Variants in TRIM66 observed in about 807,000 individuals in gnomAD.
TRIM66 encodes tripartite motif containing 66, also known as tripartite motif-containing protein 66.
In TRIM66, 99 loss-of-function variants were observed where a neutral mutation model predicts 148.2. That is an observed-to-expected ratio of 0.67 (90% CI 0.57 to 0.79). The LOEUF is 0.79. Ranked by LOEUF, TRIM66 falls within the 30% of genes least tolerant of loss-of-function variation. TRIM66 has a pLI of 0.00. For synonymous variants in TRIM66, 616 were observed against 635.9 expected, an observed-to-expected ratio of 0.97 and a Z score of 0.47; for missense variants, 1,666 against 1,697.9, an observed-to-expected ratio of 0.98 and a Z score of 0.33.
At position 8,651,862 on chromosome 11, in the gene TRIM66, TG is replaced by T; in HGVS notation, c.381del (p.Arg128GlyfsTer3). 1 of 1,551,712 alleles carries T rather than the reference TG, an allele frequency of 6.4e-7. No individual in the cohort carries two copies. The highest frequency in any genetic ancestry group is 8.7e-7 in the Non-Finnish European group (1 of 1,146,988). On this transcript the variant is annotated frameshift_variant, in exon 7 of 25. Coordinates refer to ENST00000646038, the MANE Select transcript of TRIM66 (RefSeq NM_001388022.1). LOFTEE classifies it high-confidence loss of function. ...AGAAAAAAATGTTCAGTTACATCCC[TG>T]GTAAGATATACTCGTTCACACCCAG... ...SCPGCERVYL[T>X]RDVTEHFFLH... is the part of the protein sequence containing the mutation.
At chr11:8,663,227 G>A (rs1417245184) in intron 6 of TRIM66, 1 of 152,208 alleles carries the variant, frequency 6.6e-6, no homozygotes, top group South Asian at 2.1e-4. Context: ...AGTTGCTGGG[G>A]AGAATCTCAG....
At chr11:8,647,895 A>G in intron 10 of TRIM66, 75 bp downstream of exon 10, 1 of 1,153,810 alleles carries the variant, frequency 8.7e-7, no homozygotes, top group Non-Finnish European at 1.3e-6. Context: ...ACTACATCTG[A>G]CGGCCTGGTG....
Position 8,640,958 on chromosome 11 carries a change from C to T in TRIM66, c.1417G>A (p.Val473Ile). ...SSVCCSHCSP[V>I]SPSLKGQVPP... ...ACCTGGCCTTTGAGGGAAGGCGAGA[C>T]TGGGGAGCAGTGGGAGCAGCACACA... is the stretch of plus-strand genomic sequence containing the variant. Residue 473 changes from valine (V) to isoleucine (I), a missense_variant, in exon 14 of 25, where the codon GTC becomes ATC. Physicochemically the swap from Val to Ile is conservative, Grantham distance 29. Transcript: ENST00000646038. 6.4e-7 allele frequency: 1 copy of T among 1,551,240 alleles called. No homozygotes were observed. The highest frequency in any genetic ancestry group is 8.7e-7 in the Non-Finnish European group (1 of 1,146,940).
At chr11:8,660,551 T>C (rs887631352) in intron 6 of TRIM66, among the ~76,000 whole-genome samples, 13 of 152,370 alleles carry the variant, frequency 8.5e-5, no homozygotes, top group Admixed American at 1.3e-4. Flanking sequence ...TCTGCTTTTC[T>C]GCTACAATGG....
chr11:8,638,168 T>G (rs2036053370), intron 15 of TRIM66, among the ~76,000 whole-genome samples: 1 of 152,178 alleles, frequency 6.6e-6, no homozygotes, highest in Non-Finnish European at 1.5e-5. Context: ...CAAAAAATAT[T>G]TTCCCCATCT....
intron 15 of TRIM66, among the ~76,000 whole-genome samples, chr11:8,636,344 C>T (rs909702741): frequency 6.6e-6 from 1 of 152,112 alleles, no homozygotes; most frequent in African/African-American, 2.4e-5. Context: ...ATGGTCTTCA[C>T]TTGTGCAGCA....
intron 13 of TRIM66, among the ~76,000 whole-genome samples, chr11:8,642,071 G>A (rs1157768214): frequency 1.3e-5 from 2 of 152,140 alleles, no homozygotes; most frequent in Non-Finnish European, 2.9e-5. Context: ...CACCAGGTCA[G>A]TGCCAGGCAC....
At chr11:8,625,301 C>T (rs1179169978) in intron 15 of TRIM66, 73 bp from the exon 16 acceptor site, 42 of 1,428,982 alleles carry the variant, frequency 2.9e-5, no homozygotes, top group Non-Finnish European at 3.7e-5. Flanking sequence ...AGGGACCCAA[C>T]CCACAGGAAC....
Position 8,640,923 on chromosome 11 carries a change from G to A in TRIM66, c.1452C>T (p.Pro484=). Residue 484 remains proline (P), a synonymous_variant, in exon 14 of 25, where the codon CCC becomes CCT. Transcript: ENST00000646038. ...TGAAGCTGTGGGCTGGGTGTATGCTGGGTGGGGGGACCTGGCCTTTGAGGG... is the reference window on the plus strand; with the variant it reads ...TGAAGCTGTGGGCTGGGTGTATGCTAGGTGGGGGGACCTGGCCTTTGAGGG... ...SPSLKGQVPP[P]SIHPAHSFRQ... is the part of the protein sequence containing the mutation. 6.4e-7 allele frequency: 1 copy of A among 1,550,930 alleles called. No homozygotes were observed. Among genetic ancestry groups the A allele is most frequent in the Non-Finnish European group, 8.7e-7 (1 of 1,146,954 alleles).
chr11:8,631,372 T>C (rs1214020633), intron 15 of TRIM66, among the ~76,000 whole-genome samples: 3 of 152,232 alleles, frequency 2.0e-5, no homozygotes, highest in African/African-American at 7.2e-5. Flanking sequence ...AAATTAACTT[T>C]CCAGTTATCT....
chr11:8,619,250 A>G (rs1756411804), intron 23 of TRIM66, 133 bp downstream of exon 23: 5 of 1,079,234 alleles, frequency 4.6e-6, no homozygotes, highest in South Asian at 1.7e-5. Context: ...AACACTCACC[A>G]CAGCAGGCCC....
At position 8,640,969 on chromosome 11, in the gene TRIM66, T is replaced by C. The variant is rs11042023; in HGVS notation, c.1406A>G (p.His469Arg). The C allele has an allele frequency of 0.63, 975,611 of 1,550,904 alleles. 310,086 individuals carry two copies. The highest frequency in any genetic ancestry group is 0.65 in the Non-Finnish European group (747,864 of 1,146,860). The change falls in exon 14 of 25, where the codon CAC becomes CGC. Residue 469 changes from histidine (H) to arginine (R), a missense_variant. This residue lies in a region of TRIM66 where 1,431 missense variants were observed against 1,412.4 expected (regional missense o/e 1.01). Coordinates refer to ENST00000646038, the MANE Select transcript of TRIM66 (RefSeq NM_001388022.1). Reference sequence around the variant, plus strand: ...GAGGGAAGGCGAGACTGGGGAGCAGTGGGAGCAGCACACAGATGAGGAGCA... The same window carrying C: ...GAGGGAAGGCGAGACTGGGGAGCAGCGGGAGCAGCACACAGATGAGGAGCA... ...AVCSSSVCCS[H>R]CSPVSPSLKG...
chr11:8,678,706 G>A (rs186940496), intron 3 of TRIM66, among the ~76,000 whole-genome samples: 7 of 152,246 alleles, frequency 4.6e-5, no homozygotes, highest in East Asian at 3.9e-4. Flanking sequence ...AAAAGAAAAC[G>A]AACATATTTC....
At position 8,618,960 on chromosome 11, in the gene TRIM66, G is replaced by C; in HGVS notation, c.3909C>G (p.Ser1303=). ...WNCAKFNYPD[S]EVAEAGRCLE... is the part of the protein sequence containing the mutation. ...GGCAGCGGCCAGCCTCTGCAACCTCGGAGTCAGGCTGATGGGGGAGGAGAG... is the reference window on the plus strand; with the variant it reads ...GGCAGCGGCCAGCCTCTGCAACCTCCGAGTCAGGCTGATGGGGGAGGAGAG... The change falls in exon 24 of 25, where the codon TCC becomes TCG. Residue 1303 remains serine (S), a synonymous_variant. Coordinates refer to ENST00000646038, the MANE Select transcript of TRIM66 (RefSeq NM_001388022.1). 2 of 1,551,378 alleles carry C rather than the reference G, an allele frequency of 1.3e-6. No individual in the cohort carries two copies. The highest frequency in any genetic ancestry group is 1.7e-6 in the Non-Finnish European group (2 of 1,146,942).
chr11:8,669,626 G>C (rs2038811189), intron 6 of TRIM66, among the ~76,000 whole-genome samples: 1 of 148,054 alleles, frequency 6.8e-6, no homozygotes, highest in Non-Finnish European at 1.5e-5. Context: ...CTGGGCGACA[G>C]AGTGAGACCC....
chr11:8,644,137 G>A (rs1460419552), intron 12 of TRIM66, among the ~76,000 whole-genome samples: 2 of 152,018 alleles, frequency 1.3e-5, no homozygotes, highest in East Asian at 3.9e-4. Context: ...ACCTCTCCAA[G>A]CCCTGCTCCT....
In TRIM66 at chr11:8,613,593, G is replaced by T. The variant is rs1305864563; in HGVS notation, c.*4351C>A. ...GCTGTTTTAATCTTGTGGAGAACTT[G>T]TTTGCAGGCTGTGTGGAGGTAACCA... On this transcript the variant is annotated 3_prime_UTR_variant, in exon 25 of 25. Transcript: ENST00000646038. 3.9e-5 allele frequency: 6 copies of T among 152,310 alleles called. No individual in the cohort carries two copies. Among genetic ancestry groups the T allele is most frequent in the African/African-American group, 1.4e-4 (6 of 41,458 alleles). 9.4% of individuals were successfully genotyped at this position (152,310 alleles called of 1,614,324 possible).
intron 5 of TRIM66, 30 bp from the exon 6 acceptor site, chr11:8,672,128 T>C (rs1468752261): frequency 6.5e-7 from 1 of 1,528,768 alleles, no homozygotes; most frequent in Admixed American, 2.0e-5. Flanking sequence ...CAGAGTGATC[T>C]ACTTATTTTG....
At chr11:8,683,218 A>G (rs758373208), upstream of TRIM66, 1 of 1,614,248 alleles carries the variant, frequency 6.2e-7, no homozygotes, top group Non-Finnish European at 8.5e-7. Flanking sequence ...AGACTGAGGA[A>G]GACCCGGAAA....
Sources: gnomAD v4.1 joint callset for allele counts (sites outside exome capture counted in the v4.1 genomes callset) on GRCh38, gnomAD v4.1.1 for gene constraint, gnomAD v4.1.1 regional missense constraint, MANE v1.5 for transcripts, NCBI Gene and HGNC (gene_info 2026-07-23, HGNC 2026-07-21) for gene names.